KCNMB3: variants seen among roughly 807,000 people sequenced by gnomAD.
KCNMB3 encodes the protein potassium calcium-activated channel subfamily M regulatory beta subunit 3, also known as calcium-activated potassium channel subunit beta-3.
Under a neutral mutation model 11.9 loss-of-function variants are expected in KCNMB3, and 18 were observed. That is an observed-to-expected ratio of 1.51 (90% CI 1.04 to 2.23). KCNMB3 has a LOEUF of 2.23. Ranked by LOEUF, KCNMB3 falls within the 30% of genes most tolerant of loss-of-function variation. KCNMB3 has a pLI of 0.00. For synonymous variants in KCNMB3, 78 were observed against 119.2 expected (o/e 0.65, Z 2.25); for missense variants, 247 against 329.4 (o/e 0.75, Z 1.94).
chr3:179,256,359 C>T (rs1283673479), upstream of KCNMB3, among the ~76,000 whole-genome samples: 1 of 152,066 alleles, frequency 6.6e-6, no homozygotes, highest in Non-Finnish European at 1.5e-5. Flanking sequence ...TCACCTAAAC[C>T]CAGGAGGCAG....
chr3:179,251,625 G>A (rs1446398905), upstream of KCNMB3: 2 of 1,263,330 alleles, frequency 1.6e-6, no homozygotes. Flanking sequence ...AGGGTGTCTG[G>A]TGAACAGAAG....
upstream of KCNMB3, among the ~76,000 whole-genome samples, chr3:179,254,407 C>T (rs1474075071): frequency 6.6e-6 from 1 of 152,200 alleles, no homozygotes; most frequent in African/African-American, 2.4e-5. Context: ...ACAAAAATCT[C>T]AAGCTAAGAA....
At chr3:179,266,720 G>C (rs770997712) in exon 1 of KCNMB3, 1 of 1,613,912 alleles carries the variant, frequency 6.2e-7, no homozygotes, top group Non-Finnish European at 8.5e-7. Context: ...TGAGGCCAGG[G>C]GTCTGAGAAA....
upstream of KCNMB3, among the ~76,000 whole-genome samples, chr3:179,255,175 GAATA>G (rs776168568): frequency 5.0e-5 from 7 of 140,570 alleles, no homozygotes; most frequent in Admixed American, 1.5e-4. Context: ...AAAAAAAAAT[GAATA>G]AATAAATACA....
upstream of KCNMB3, chr3:179,251,511 G>T: frequency 7.2e-7 from 1 of 1,379,408 alleles, no homozygotes; most frequent in East Asian, 2.6e-5. Flanking sequence ...CCTCCTCTCT[G>T]GCCACTCATG....
upstream of KCNMB3, among the ~76,000 whole-genome samples, chr3:179,253,110 T>A (rs775666976): frequency 6.6e-6 from 1 of 152,220 alleles, no homozygotes; most frequent in Admixed American, 6.5e-5. Flanking sequence ...ATGGTTTTTG[T>A]AGTTTCCAGG....
At chr3:179,249,662 A>T (rs1303999346) in intron 1 of KCNMB3, among the ~76,000 whole-genome samples, 2 of 152,130 alleles carry the variant, frequency 1.3e-5, no homozygotes, top group African/African-American at 4.8e-5. Flanking sequence ...ACAGAGCAAG[A>T]CTCCGTCTCA....
At chr3:179,262,170 G>A (rs1422200171) in intron 1 of KCNMB3, among the ~76,000 whole-genome samples, 1 of 152,200 alleles carries the variant, frequency 6.6e-6, no homozygotes, top group African/African-American at 2.4e-5. Context: ...GAACAAACCA[G>A]TAGGGTAATA....
chr3:179,261,131 T>G, intron 1 of KCNMB3: 2 of 1,323,978 alleles, frequency 1.5e-6, no homozygotes, highest in Non-Finnish European at 2.1e-6. Context: ...CTCCTTCTGC[T>G]GCCGCTCCAG....
At chr3:179,259,724 C>T in intron 1 of KCNMB3, 1 of 1,592,212 alleles carries the variant, frequency 6.3e-7, no homozygotes. Context: ...TCTTCTTTTT[C>T]TTTTTCTTGT....
intron 1 of KCNMB3, among the ~76,000 whole-genome samples, chr3:179,265,195 A>T (rs1164380254): frequency 6.6e-6 from 1 of 152,204 alleles, no homozygotes; most frequent in Admixed American, 6.5e-5. Context: ...AGCGAGAAGA[A>T]CACCTTTCTT....
intron 1 of KCNMB3, 84 bp downstream of exon 1, chr3:179,250,659 C>A (rs910646836): frequency 9.3e-6 from 13 of 1,399,764 alleles, no homozygotes; most frequent in Non-Finnish European, 1.3e-5. Flanking sequence ...GATTGAGAAA[C>A]CAAAGCCAGC....
downstream of KCNMB3, chr3:179,241,112 C>A (rs1358728499): frequency 6.6e-6 from 1 of 151,962 alleles, no homozygotes; most frequent in African/African-American, 2.4e-5. Context: ...GTGAAAAGTA[C>A]CAAGGCTCAC....
At chr3:179,246,531 C>T (rs188978759) in intron 1 of KCNMB3, among the ~76,000 whole-genome samples, 35 of 152,284 alleles carry the variant, frequency 2.3e-4, no homozygotes, top group Admixed American at 2.1e-3. Context: ...ACTTGAGACA[C>T]ACTGTGCAGT....
chr3:179,266,876 G>A, exon 1 of KCNMB3: 1 of 1,430,140 alleles, frequency 7.0e-7, no homozygotes, highest in South Asian at 1.5e-5. Flanking sequence ...GGAGAGGTGA[G>A]AACTTCAGGC....
At chr3:179,257,152 A>T (rs6798294) in intron 1 of KCNMB3, among the ~76,000 whole-genome samples, 5,644 of 152,248 alleles carry the variant, frequency 0.037, 336 homozygotes, top group African/African-American at 0.13. Context: ...GATAGGTGAG[A>T]CCCTATCTCT....
At chr3:179,240,001 G>A (rs1725410966), downstream of KCNMB3, 1 of 1,543,854 alleles carries the variant, frequency 6.5e-7, no homozygotes, top group Admixed American at 2.0e-5. Context: ...TGCACTTACT[G>A]TTTATGCTCA....
At position 179,247,278 on chromosome 3, in the gene KCNMB3, G is replaced by A. The variant is rs113820606; in HGVS notation, c.249-2585C>T. Among the ~76,000 whole-genome samples the A allele has an allele frequency of 5.0e-3, 756 of 151,696 alleles. 5 individuals carry two copies. The highest frequency in any genetic ancestry group is 0.017 in the African/African-American group (702 of 41,324). On this transcript the variant is annotated intron_variant, in intron 1 of 2. Coordinates refer to ENST00000392685, the MANE Select transcript of KCNMB3 (RefSeq NM_171830.2). Reference sequence around the variant, plus strand: ...AAATGATCTGCCTGTGCACACACACGGACATTTACTCAACATTCCCATACA... The same window carrying A: ...AAATGATCTGCCTGTGCACACACACAGACATTTACTCAACATTCCCATACA...
upstream of KCNMB3, among the ~76,000 whole-genome samples, chr3:179,254,468 T>C (rs1283459110): frequency 1.3e-5 from 2 of 152,206 alleles, no homozygotes; most frequent in Non-Finnish European, 2.9e-5. Context: ...CCTGGCAAAT[T>C]TAAATACGTA....
Sources: allele counts gnomAD v4.1 joint callset (sites outside exome capture counted in the v4.1 genomes callset), GRCh38; gene constraint gnomAD v4.1.1; transcripts MANE v1.5; gene names NCBI Gene and HGNC (gene_info 2026-07-23, HGNC 2026-07-21).